Variants in GATAD2B observed in about 807,000 individuals in gnomAD.
GATAD2B encodes transcriptional repressor p66-beta.
Under a neutral mutation model 64.3 loss-of-function variants are expected in GATAD2B, and 8 were observed. The ratio of observed to expected loss-of-function variants is 0.12; its 90% CI spans 0.07 to 0.22. The LOEUF is 0.22. Ranked by LOEUF, GATAD2B falls within the 10% of genes least tolerant of loss-of-function variation. The pLI is 1.00. For synonymous variants in GATAD2B, 281 were observed against 271.3 expected (o/e 1.04, Z -0.35); for missense variants, 453 against 752.0 (o/e 0.60, Z 4.65).
chr1:153,878,654 C>T (rs992482906), intron 1 of GATAD2B, among the ~76,000 whole-genome samples: 4 of 151,986 alleles, frequency 2.6e-5, no homozygotes, highest in Admixed American at 2.6e-4. Context: ...ACAGGATTAA[C>T]GAGTTTGAAA....
intron 1 of GATAD2B, among the ~76,000 whole-genome samples, chr1:153,868,155 T>C (rs1005185067): frequency 4.0e-5 from 6 of 151,700 alleles, no homozygotes; most frequent in Non-Finnish European, 8.8e-5. Flanking sequence ...TGAGCTGAGA[T>C]CGTGCCACTG....
intron 1 of GATAD2B, among the ~76,000 whole-genome samples, chr1:153,877,334 C>A (rs1233556919): frequency 6.6e-6 from 1 of 151,884 alleles, no homozygotes; most frequent in African/African-American, 2.4e-5. Context: ...CAGAGTGAGA[C>A]CCTGTCTCTA....
intron 1 of GATAD2B, among the ~76,000 whole-genome samples, chr1:153,849,215 G>A (rs1675801113): frequency 6.6e-6 from 1 of 152,110 alleles, no homozygotes; most frequent in African/African-American, 2.4e-5. Context: ...CCAGAAGTTG[G>A]GAAGCCTAAC....
intron 1 of GATAD2B, chr1:153,852,630 A>G: frequency 1.2e-6 from 1 of 808,400 alleles, no homozygotes; most frequent in Non-Finnish European, 2.2e-6. Context: ...GGCAAATTCA[A>G]TCAAGTGAAC....
intron 1 of GATAD2B, among the ~76,000 whole-genome samples, chr1:153,885,284 C>T (rs1677144125): frequency 6.6e-6 from 1 of 151,942 alleles, no homozygotes; most frequent in African/African-American, 2.4e-5. Context: ...AAAATATTAG[C>T]CAAATATGAT....
At chr1:153,899,747 ACTT>A (rs1453351604) in intron 1 of GATAD2B, among the ~76,000 whole-genome samples, 1 of 152,044 alleles carries the variant, frequency 6.6e-6, no homozygotes, top group African/African-American at 2.4e-5. Context: ...CAGCCACACT[ACTT>A]CTCTCAAGTT....
chr1:153,831,036 A>T (rs968185580), intron 1 of GATAD2B, among the ~76,000 whole-genome samples: 1 of 152,238 alleles, frequency 6.6e-6, no homozygotes, highest in South Asian at 2.1e-4. Context: ...CTCTCAAAGC[A>T]CTTGGGATTA....
intron 1 of GATAD2B, among the ~76,000 whole-genome samples, chr1:153,893,605 GT>G (rs937186449): frequency 3.3e-5 from 5 of 150,068 alleles, no homozygotes; most frequent in Admixed American, 1.3e-4. Context: ...GCAAGACTCT[GT>G]CTCAAAAAAA....
At position 153,828,267 on chromosome 1, in the gene GATAD2B, G is replaced by A; in HGVS notation, c.81C>T (p.Val27=). The change falls in exon 2 of 11, where the codon GTC becomes GTT. Residue 27 remains valine, a synonymous_variant. Transcript: ENST00000368655. ...SLDPADERDD[V]LAKRLKMEGH... ...CCTCCATTTTGAGTCGCTTTGCCAG[G>A]ACATCATCTCGCTCATCTGCTGGGT... is the stretch of plus-strand genomic sequence containing the variant. 6.2e-7 allele frequency: 1 copy of A among 1,614,030 alleles called. No individual in the cohort carries two copies. Among genetic ancestry groups the A allele is most frequent in the Non-Finnish European group, 8.5e-7 (1 of 1,180,040 alleles).
intron 1 of GATAD2B, among the ~76,000 whole-genome samples, chr1:153,910,947 T>C (rs192491333): frequency 1.3e-5 from 2 of 152,234 alleles, no homozygotes; most frequent in African/African-American, 4.8e-5. Context: ...CATAACCTCA[T>C]CGTAAATCAA....
chr1:153,917,104 C>A (rs1055983410), intron 1 of GATAD2B, among the ~76,000 whole-genome samples: 3 of 150,098 alleles, frequency 2.0e-5, no homozygotes, highest in African/African-American at 4.9e-5. Flanking sequence ...CCGCACCCGG[C>A]CTATTTTTTT....
chr1:153,816,451 G>C lies in GATAD2B; in HGVS notation c.1038C>G (p.Ala346=). Residue 346 remains alanine, a synonymous_variant, in exon 7 of 11, where the codon GCC becomes GCG. Transcript: ENST00000368655. This position sits in a 1 kb window ranked among gnomAD's most constrained non-coding sequence, Gnocchi z 4.9. The part of the protein sequence containing the change: ...LPSPSAMTDA[A]NSQAAAKLAL... ...CCAATTTGGCTGCAGCCTGTGAGTT[G>C]GCAGCATCAGTCATGGCGCTGGGGC... The C allele has an allele frequency of 6.2e-7, 1 of 1,614,120 alleles. No individual in the cohort carries two copies. The highest frequency in any genetic ancestry group is 8.5e-7 in the Non-Finnish European group (1 of 1,179,964).
intron 1 of GATAD2B, among the ~76,000 whole-genome samples, chr1:153,918,913 T>C (rs894971303): frequency 6.6e-6 from 1 of 151,910 alleles, no homozygotes; most frequent in Admixed American, 6.6e-5. Flanking sequence ...ATCACACCAC[T>C]GCACTCCAGC....
Position 153,817,527 on chromosome 1 carries a change from G to A in GATAD2B, c.745C>T (p.Arg249Cys). Residue 249 changes from arginine (R) to cysteine (C), a missense_variant, in exon 6 of 11, where the codon CGT (arginine) becomes TGT (cysteine). By Grantham distance (180) the Arg-to-Cys change is radical. Around this residue, in one of 2 missense-constraint regions of GATAD2B, gnomAD observed 293 missense variants for 417.2 expected, o/e 0.70. Transcript: ENST00000368655. ...LRTLQGHSVIRSATNTTLPHM... is the reference protein window; with the variant it reads ...LRTLQGHSVICSATNTTLPHM... ...GGAAGGGTGGTATTGGTAGCTGAAC[G>A]GATGACACTGTGACCCTGGAGGGGA... is the stretch of plus-strand genomic sequence containing the variant. 1.9e-6 allele frequency: 3 copies of A among 1,601,370 alleles called. No homozygotes were observed. Among genetic ancestry groups the A allele is most frequent in the Non-Finnish European group, 2.6e-6 (3 of 1,174,520 alleles).
chr1:153,907,744 T>C (rs1327506443), intron 1 of GATAD2B, among the ~76,000 whole-genome samples: 1 of 151,444 alleles, frequency 6.6e-6, no homozygotes, highest in African/African-American at 2.4e-5. Context: ...GTACAAGCAA[T>C]TCTCCTGTCT....
At chr1:153,815,285 A>AAAC (rs1557780240) in intron 7 of GATAD2B, among the ~76,000 whole-genome samples, 4 of 140,030 alleles carry the variant, frequency 2.9e-5, no homozygotes, top group African/African-American at 1.0e-4. Flanking sequence ...AAAAACAAAA[A>AAAC]AAAAAAACAA....
intron 1 of GATAD2B, among the ~76,000 whole-genome samples, chr1:153,922,531 G>A (rs1448307992): frequency 1.5e-5 from 2 of 134,686 alleles, no homozygotes; most frequent in African/African-American, 2.7e-5. Flanking sequence ...GGCGCGCCGT[G>A]CCGGGGTGGG....
chr1:153,907,172 C>T (rs1677969158), intron 1 of GATAD2B, among the ~76,000 whole-genome samples: 1 of 152,138 alleles, frequency 6.6e-6, no homozygotes, highest in Admixed American at 6.6e-5. Flanking sequence ...GCAAAACAAT[C>T]GAAAGCAGGG....
intron 7 of GATAD2B, among the ~76,000 whole-genome samples, chr1:153,813,922 G>A (rs997919691): frequency 1.3e-5 from 2 of 152,252 alleles, no homozygotes; most frequent in East Asian, 3.8e-4. Context: ...AGGTTGCAGT[G>A]AGCCGAAATT....
Sources: gnomAD v4.1 joint callset for allele counts (sites outside exome capture counted in the v4.1 genomes callset) on GRCh38, gnomAD v4.1.1 for gene constraint, gnomAD v4.1.1 regional missense constraint, Gnocchi (gnomAD v3.1) non-coding constraint, MANE v1.5 for transcripts, NCBI Gene and HGNC (gene_info 2026-07-23, HGNC 2026-07-21) for gene names.